The following MAGI2 variants were observed in gnomAD, a reference collection of about 807,000 sequenced individuals.
MAGI2 encodes membrane-associated guanylate kinase, WW and PDZ domain-containing protein 2.
A neutral mutation model predicts 133.3 loss-of-function variants in MAGI2; 35 were observed. That is an observed-to-expected ratio of 0.26 (90% CI 0.20 to 0.35). The LOEUF is 0.35. MAGI2 is among the 10% of genes least tolerant of loss of function. The pLI is 1.00. For missense variants in MAGI2, 1,636 were observed against 1,863.4 expected, an observed-to-expected ratio of 0.88 and a Z score of 2.25; for synonymous variants, 729 against 710.6, an observed-to-expected ratio of 1.03 and a Z score of -0.41.
intron 4 of MAGI2, chr7:78,518,147 G>T (rs1025551165): frequency 1.3e-5 from 2 of 152,018 alleles, no homozygotes; most frequent in African/African-American, 4.8e-5. Context: ...TAAAAACTAG[G>T]AATTTTTTAT....
intron 2 of MAGI2, among the ~76,000 whole-genome samples, chr7:78,800,754 A>T (rs1278866249): frequency 6.6e-6 from 1 of 152,062 alleles, no homozygotes; most frequent in East Asian, 1.9e-4. Context: ...TCATTTTCTT[A>T]ATAAGAGTAA....
chr7:79,017,200 G>C (rs548034560), intron 1 of MAGI2, among the ~76,000 whole-genome samples: 2 of 152,336 alleles, frequency 1.3e-5, no homozygotes, highest in Admixed American at 1.3e-4. Context: ...GTTCTAGCCA[G>C]CTGTCTGGAA....
At chr7:78,037,194 A>G (rs1446728282) in intron 21 of MAGI2, among the ~76,000 whole-genome samples, 1 of 151,850 alleles carries the variant, frequency 6.6e-6, no homozygotes, top group Non-Finnish European at 1.5e-5. Context: ...ACCTAGCGCA[A>G]TTGGGGTCAC....
At chr7:78,374,434 G>A (rs1291383862) in intron 6 of MAGI2, among the ~76,000 whole-genome samples, 2 of 152,014 alleles carry the variant, frequency 1.3e-5, no homozygotes, top group African/African-American at 4.8e-5. Flanking sequence ...CTTCAATTAA[G>A]TTTCTTATGG....
At chr7:78,416,652 A>T (rs1798331573) in intron 6 of MAGI2, among the ~76,000 whole-genome samples, 1 of 152,254 alleles carries the variant, frequency 6.6e-6, no homozygotes, top group African/African-American at 2.4e-5. Flanking sequence ...TCCAAAATCC[A>T]TGTGGAATCT....
At chr7:78,131,112 G>A (rs1271743560) in intron 18 of MAGI2, among the ~76,000 whole-genome samples, 1 of 152,206 alleles carries the variant, frequency 6.6e-6, no homozygotes, top group African/African-American at 2.4e-5. Flanking sequence ...GACTGCTGGG[G>A]TGCTCAAGTC....
intron 1 of MAGI2, among the ~76,000 whole-genome samples, chr7:79,067,838 C>T (rs1002081644): frequency 2.6e-5 from 4 of 152,064 alleles, no homozygotes; most frequent in African/African-American, 9.7e-5. Context: ...TTGTCAAAGG[C>T]CTTTTCTGCA....
intron 2 of MAGI2, among the ~76,000 whole-genome samples, chr7:78,997,575 C>T (rs978397940): frequency 2.7e-5 from 4 of 150,366 alleles, no homozygotes; most frequent in African/African-American, 9.8e-5. Flanking sequence ...GCACTCCAGC[C>T]TGGGTGACAG....
chr7:79,265,462 A>C (rs991394325), intron 1 of MAGI2, among the ~76,000 whole-genome samples: 22 of 152,210 alleles, frequency 1.4e-4, no homozygotes, highest in African/African-American at 5.3e-4. Flanking sequence ...GTGGTGTATT[A>C]AATTTTCTTA....
At chr7:78,790,329 T>A (rs537128176) in intron 2 of MAGI2, among the ~76,000 whole-genome samples, 12 of 152,274 alleles carry the variant, frequency 7.9e-5, no homozygotes, top group African/African-American at 2.6e-4. Context: ...TTTATTTATT[T>A]TATTAGAATT....
chr7:79,283,515 G>A (rs1169892615), intron 1 of MAGI2, among the ~76,000 whole-genome samples: 1 of 152,052 alleles, frequency 6.6e-6, no homozygotes, highest in Non-Finnish European at 1.5e-5. Context: ...TCTTCAGAGA[G>A]GATAGGCACC....
At chr7:79,228,370 A>AAAAAAAAAAAAAAAAAAAAAAAAAAAATG (rs1491129211) in intron 1 of MAGI2, among the ~76,000 whole-genome samples, 1 of 147,256 alleles carries the variant, frequency 6.8e-6, no homozygotes, top group Non-Finnish European at 1.5e-5. Flanking sequence ...AAAAAAAAAA[A>AAAAAAAAAAAAAAAAAAAAAAAAAAAATG]GATCGTGGGA....
At chr7:78,877,410 C>T (rs571229178) in intron 2 of MAGI2, among the ~76,000 whole-genome samples, 89 of 152,298 alleles carry the variant, frequency 5.8e-4, no homozygotes, top group Middle Eastern at 6.8e-3. Context: ...CCACTGTGTG[C>T]TAACAACATA....
intron 2 of MAGI2, among the ~76,000 whole-genome samples, chr7:78,630,202 G>A (rs1028821440): frequency 4.3e-5 from 6 of 140,846 alleles, no homozygotes; most frequent in Admixed American, 1.4e-4. Flanking sequence ...CTTTACTTTA[G>A]TAATTTTTTC....
chr7:78,641,065 T>C (rs1810247459), intron 2 of MAGI2, among the ~76,000 whole-genome samples: 1 of 152,204 alleles, frequency 6.6e-6, no homozygotes, highest in Non-Finnish European at 1.5e-5. Flanking sequence ...TCACTCATTA[T>C]TCTCCTTGCT....
chr7:78,052,518 C>A (rs1457308264), intron 21 of MAGI2, among the ~76,000 whole-genome samples: 1 of 152,200 alleles, frequency 6.6e-6, no homozygotes, highest in Non-Finnish European at 1.5e-5. Flanking sequence ...TTATAAATGA[C>A]CCATCCTCAG....
chr7:79,147,518 G>A (rs1322735413), intron 1 of MAGI2, among the ~76,000 whole-genome samples: 2 of 152,174 alleles, frequency 1.3e-5, no homozygotes, highest in Admixed American at 1.3e-4. Flanking sequence ...AAGAGCACCT[G>A]CACAGATGAC....
chr7:78,990,690 A>C (rs148318483), intron 2 of MAGI2, among the ~76,000 whole-genome samples: 51 of 152,202 alleles, frequency 3.4e-4, no homozygotes, highest in Admixed American at 5.2e-4. Flanking sequence ...TAGATAAAAT[A>C]ATAATAGAAA....
intron 4 of MAGI2, among the ~76,000 whole-genome samples, chr7:78,511,398 A>T (rs1223705419): frequency 6.6e-6 from 1 of 151,866 alleles, no homozygotes; most frequent in Non-Finnish European, 1.5e-5. Context: ...AGAAGTCCAG[A>T]TTGTCAATTA....
Sources: gnomAD v4.1 joint callset for allele counts (sites outside exome capture counted in the v4.1 genomes callset) on GRCh38, gnomAD v4.1.1 for gene constraint, MANE v1.5 for transcripts, NCBI Gene and HGNC (gene_info 2026-07-23, HGNC 2026-07-21) for gene names.